CALN1: variants seen among roughly 807,000 people sequenced by gnomAD.
CALN1 encodes calcium-binding protein 8.
In CALN1, 17 loss-of-function variants were observed where a neutral mutation model predicts 30.6. The ratio of observed to expected loss-of-function variants is 0.56; its 90% confidence interval spans 0.38 to 0.83. The LOEUF (loss-of-function observed/expected upper bound fraction) is 0.83. CALN1 is among the 40% of genes least tolerant of loss of function. The probability of loss-of-function intolerance (pLI) is 0.00; values close to 1 mark genes in which losing one functional copy is unlikely to be tolerated. For missense variants in CALN1, 291 were observed against 354.9 expected, an observed-to-expected ratio of 0.82 and a Z score of 1.45; for synonymous variants, 156 against 131.4, an observed-to-expected ratio of 1.19 and a Z score of -1.28.
At chr7:71,915,343 C>G (rs1794634029) in intron 5 of CALN1, among the ~76,000 whole-genome samples, 8 of 152,140 alleles carry the variant, frequency 5.3e-5, no homozygotes, top group Admixed American at 5.2e-4. Flanking sequence ...TTTGACAACC[C>G]CTTTCTTCTT....
Position 71,779,786 on chromosome 7 carries a change from G to A in CALN1, c.*7989C>T, listed in dbSNP as rs1449719896. On this transcript the variant is annotated 3_prime_UTR_variant, in exon 7 of 7. Coordinates refer to ENST00000395275, the MANE Select transcript of CALN1 (RefSeq NM_031468.4). ...CAGAAATCATCAACTAATACTGAAT[G>A]AGAGAAAATGGGATGCTAATGAGGT... 7.2e-5 allele frequency: 11 copies of A among 152,174 alleles called. No individual in the cohort carries two copies. Among genetic ancestry groups the A allele is most frequent in the Non-Finnish European group, 1.5e-4 (10 of 68,034 alleles). The allele number at this position is 152,174 out of a possible 1,614,324, so 9.4% of individuals were successfully genotyped here.
chr7:72,289,488 T>C (rs1375786207), intron 2 of CALN1, among the ~76,000 whole-genome samples: 3 of 152,228 alleles, frequency 2.0e-5, no homozygotes, highest in African/African-American at 2.4e-5. Context: ...TGTTTAGCAC[T>C]TGGTCTCAAA....
chr7:72,186,752 T>G (rs2129546499), intron 3 of CALN1, among the ~76,000 whole-genome samples: 1 of 152,312 alleles, frequency 6.6e-6, no homozygotes, highest in East Asian at 1.9e-4. Context: ...TTGTCCTTTT[T>G]TACAGTTGTG....
chr7:72,072,879 T>C (rs575549432), intron 4 of CALN1, among the ~76,000 whole-genome samples: 46 of 152,106 alleles, frequency 3.0e-4, no homozygotes, highest in South Asian at 8.3e-4. Flanking sequence ...CCATGGTAAC[T>C]ACAAAGAAAA....
At chr7:72,373,411 A>G (rs1342698153) in intron 2 of CALN1, among the ~76,000 whole-genome samples, 1 of 152,228 alleles carries the variant, frequency 6.6e-6, no homozygotes, top group Non-Finnish European at 1.5e-5. Context: ...GGTCTGACTT[A>G]GGATTTTTTG....
At chr7:71,875,751 T>G (rs1792206520) in intron 5 of CALN1, among the ~76,000 whole-genome samples, 1 of 146,926 alleles carries the variant, frequency 6.8e-6, no homozygotes, top group African/African-American at 2.7e-5. Flanking sequence ...GCTAGGTTCT[T>G]ATACTACACA....
At chr7:71,816,496 G>T (rs1165066789) in intron 5 of CALN1, among the ~76,000 whole-genome samples, 2 of 152,106 alleles carry the variant, frequency 1.3e-5, no homozygotes, top group Non-Finnish European at 2.9e-5. Flanking sequence ...GCAAGATCAA[G>T]GTCAACAAGA....
At chr7:71,989,282 A>T (rs1004918026) in intron 5 of CALN1, among the ~76,000 whole-genome samples, 8 of 152,132 alleles carry the variant, frequency 5.3e-5, no homozygotes, top group African/African-American at 1.7e-4. Context: ...TACTAAAAAC[A>T]CAAAAATTAG....
rs967650217 is a variant in CALN1, at chr7:72,336,109, C to T, written c.120-57299G>A. ...TCTCTGGTTACCCCTTGCACCCTGG[C>T]GCCCCCGGACTCGGGGTGGGTGGCG... On this transcript the variant is annotated intron_variant, in intron 2 of 6. Transcript: ENST00000395275. 7.9e-5 allele frequency among the ~76,000 whole-genome samples: 12 copies of T among 152,330 alleles called. No homozygotes were observed. In the East Asian group the frequency reaches 2.3e-3, roughly 29 times the overall value.
chr7:72,060,684 A>C (rs1803585248), intron 4 of CALN1, among the ~76,000 whole-genome samples: 1 of 152,128 alleles, frequency 6.6e-6, no homozygotes, highest in Non-Finnish European at 1.5e-5. Context: ...GATCCTTCAT[A>C]AATGGCTTGG....
chr7:72,407,347 T>C (rs1359611447), intron 1 of CALN1, among the ~76,000 whole-genome samples: 2 of 152,232 alleles, frequency 1.3e-5, no homozygotes, highest in African/African-American at 4.8e-5. Context: ...TGATACGGTT[T>C]GGATTTGTGT....
At chr7:72,308,788 G>A (rs1484782444) in intron 2 of CALN1, among the ~76,000 whole-genome samples, 1 of 152,102 alleles carries the variant, frequency 6.6e-6, no homozygotes, top group East Asian at 1.9e-4. Flanking sequence ...GGTGGGGGCA[G>A]AACAATAAAA....
At chr7:72,120,780 G>A (rs1808319739) in intron 3 of CALN1, among the ~76,000 whole-genome samples, 2 of 152,238 alleles carry the variant, frequency 1.3e-5, no homozygotes, top group East Asian at 1.9e-4. Context: ...TACGCTTCAA[G>A]GAAAAGGAGG....
rs7811482 is a variant in CALN1, at chr7:72,368,015, G to C, written c.119+35236C>G. 4.4e-3 allele frequency among the ~76,000 whole-genome samples: 669 copies of C among 152,050 alleles called. 4 individuals carry two copies. Among genetic ancestry groups the C allele is most frequent in the African/African-American group, 0.015 (636 of 41,486 alleles). On this transcript the variant is annotated intron_variant, in intron 2 of 6. Transcript: ENST00000395275. Reference sequence around the variant, plus strand: ...GGGCATGGTGGCAGGCAGCTACTCAGGAGGCTGAGGCAGAAGAATGGCATG... The same window carrying C: ...GGGCATGGTGGCAGGCAGCTACTCACGAGGCTGAGGCAGAAGAATGGCATG...
chr7:72,095,217 A>G (rs1806135391), intron 4 of CALN1, among the ~76,000 whole-genome samples: 1 of 152,184 alleles, frequency 6.6e-6, no homozygotes, highest in Admixed American at 6.5e-5. Context: ...GTTAGCACCT[A>G]TGGCTTTTGT....
At chr7:71,941,978 C>T (rs1796155396) in intron 5 of CALN1, among the ~76,000 whole-genome samples, 1 of 152,136 alleles carries the variant, frequency 6.6e-6, no homozygotes. Context: ...GTAGGCAGAT[C>T]ATCTGAGGTC....
At chr7:72,485,626 C>T in the CALN1 span, among the ~76,000 whole-genome samples, 2 of 152,168 alleles carry the variant, frequency 1.3e-5, no homozygotes, top group Non-Finnish European at 2.9e-5. Context: ...AATCCCAGCA[C>T]TTTGGGAGGC....
At chr7:72,382,571 G>A (rs1804966971) in intron 2 of CALN1, among the ~76,000 whole-genome samples, 1 of 152,244 alleles carries the variant, frequency 6.6e-6, no homozygotes, top group Middle Eastern at 3.4e-3. Flanking sequence ...CACGTAGTGA[G>A]CATAGTACCC....
chr7:72,427,752 G>T (rs1037326414), intron 1 of CALN1, among the ~76,000 whole-genome samples: 8 of 151,944 alleles, frequency 5.3e-5, no homozygotes, highest in African/African-American at 1.9e-4. Context: ...ACGTGCTGGG[G>T]TTACAGGTAG....
Sources: allele counts gnomAD v4.1 joint callset (sites outside exome capture counted in the v4.1 genomes callset), GRCh38; gene constraint gnomAD v4.1.1; transcripts MANE v1.5; gene names NCBI Gene and HGNC (gene_info 2026-07-23, HGNC 2026-07-21).